Variants in SREK1 observed in about 807,000 individuals in gnomAD.
SREK1 encodes splicing regulatory glutamine/lysine-rich protein 1.
In SREK1, 13 loss-of-function variants were observed where a neutral mutation model predicts 66.5. The observed-to-expected ratio is 0.20, with a 90% confidence interval of 0.13 to 0.31. SREK1 has a LOEUF of 0.31. Ranked by LOEUF, SREK1 falls within the 10% of genes least tolerant of loss-of-function variation. The probability of loss-of-function intolerance (pLI) is 1.00; values close to 1 mark genes in which losing one functional copy is unlikely to be tolerated. For missense variants in SREK1, 607 were observed against 769.6 expected (o/e 0.79, Z 2.50); for synonymous variants, 265 against 263.5 (o/e 1.01, Z -0.05).
At chr5:66,148,158 G>A (rs1379625463) in intron 1 of SREK1, among the ~76,000 whole-genome samples, 1 of 152,076 alleles carries the variant, frequency 6.6e-6, no homozygotes, top group East Asian at 1.9e-4. Context: ...GTCTTAAACA[G>A]GATGAATTGT....
intron 2 of SREK1, 106 bp downstream of exon 2, chr5:66,153,702 T>C: frequency 2.8e-6 from 4 of 1,418,664 alleles, no homozygotes; most frequent in Non-Finnish European, 3.8e-6. Flanking sequence ...GGTGTGTGTG[T>C]GAAAGTAAGA....
chr5:66,164,246 A>T (rs1744991665), intron 6 of SREK1: 1 of 290,628 alleles, frequency 3.4e-6, no homozygotes, highest in South Asian at 3.8e-5. Flanking sequence ...AAACGTTACG[A>T]CTCAGCAGGT....
chr5:66,145,300 G>T (rs548439246), intron 1 of SREK1: 749 of 391,768 alleles, frequency 1.9e-3, no homozygotes, highest in Middle Eastern at 2.6e-3. Context: ...AATTTCCCTC[G>T]TACGATATTA....
At position 66,181,990 on chromosome 5, in the gene SREK1, T is replaced by G. The variant is rs1746539007; in HGVS notation, c.*3122T>G. On this transcript the variant is annotated 3_prime_UTR_variant, in exon 12 of 12. Coordinates refer to ENST00000334121, the MANE Select transcript of SREK1 (RefSeq NM_001077199.3). ...CCTATGTCTATGTTGCTATCTTTAT[T>G]TTAAAACTTAGAACCCTGATCTAAC... The G allele has an allele frequency of 6.6e-6, 1 of 152,116 alleles. No homozygotes were observed. Among genetic ancestry groups the G allele is most frequent in the Non-Finnish European group, 1.5e-5 (1 of 68,002 alleles). 9.4% of individuals were successfully genotyped at this position (152,116 alleles called of 1,614,324 possible).
rs1056179518 is a variant in SREK1 at position 66,181,703 on chromosome 5, T to G, written c.*2835T>G. ...ACTTTTAAATCCTGAAGTTCTGCAG[T>G]TATCATCTTAGTTATTTTCTATCTA... On this transcript the variant is annotated 3_prime_UTR_variant, in exon 12 of 12. Coordinates refer to ENST00000334121, the MANE Select transcript of SREK1 (RefSeq NM_001077199.3). 4 of 152,064 alleles carry G rather than the reference T, an allele frequency of 2.6e-5. No homozygotes were observed. The East Asian group carries it at 7.7e-4, about 29-fold the overall frequency. 9.4% of individuals were successfully genotyped at this position (152,064 alleles called of 1,614,324 possible).
rs1448410404 is a variant in SREK1 at position 66,182,235 on chromosome 5, T to C, written c.*3367T>C. 1 of 152,182 alleles carries C rather than the reference T, an allele frequency of 6.6e-6. No homozygotes were observed. Among genetic ancestry groups the C allele is most frequent in the East Asian group, 1.9e-4 (1 of 5,198 alleles). The allele number at this position is 152,182 out of a possible 1,614,324, so 9.4% of individuals were successfully genotyped here. On this transcript the variant is annotated 3_prime_UTR_variant, in exon 12 of 12. Coordinates refer to ENST00000334121, the MANE Select transcript of SREK1 (RefSeq NM_001077199.3). The stretch of plus-strand genomic sequence containing the variant: ...GAAGACAGTATCTGATTTCAACTGG[T>C]GCGTTACGAAGTAGAGCCATTCCCA...
At chr5:66,150,048 G>C (rs1743641387) in intron 1 of SREK1, among the ~76,000 whole-genome samples, 1 of 152,190 alleles carries the variant, frequency 6.6e-6, no homozygotes, top group African/African-American at 2.4e-5. Context: ...ACAGCTTGCT[G>C]TAAGTCACCT....
In SREK1 at chr5:66,144,412, C is replaced by T. The variant is rs1445966198; in HGVS notation, c.36C>T (p.Gly12=). The T allele has an allele frequency of 6.4e-7, 1 of 1,551,334 alleles. No homozygotes were observed. Among genetic ancestry groups the T allele is most frequent in the Non-Finnish European group, 8.7e-7 (1 of 1,146,828 alleles). ...GCGGCGGCTTCGGTTTGGGCTTAGG[C>T]TTCGGCCTCACCCCCACGTCGGTGA... is the stretch of plus-strand genomic sequence containing the variant. ...NSGGGFGLGL[G]FGLTPTSVIQ... is the part of the protein sequence containing the mutation. Residue 12 remains glycine (G), a synonymous_variant, in exon 1 of 12, where the codon GGC becomes GGT. Transcript: ENST00000334121.
chr5:66,144,989 G>A, intron 1 of SREK1: 3 of 987,194 alleles, frequency 3.0e-6, no homozygotes, highest in Non-Finnish European at 3.6e-6. Flanking sequence ...TTTTGCTGAC[G>A]AGAAAGCCTG....
At position 66,170,659 on chromosome 5, in the gene SREK1, G is replaced by A; in HGVS notation, c.1196G>A (p.Arg399Lys). 6.2e-7 allele frequency: 1 copy of A among 1,613,100 alleles called. No individual in the cohort carries two copies. The highest frequency in any genetic ancestry group is 8.5e-7 in the Non-Finnish European group (1 of 1,179,628). ...AAAGAGAAAGACAGGGAAAAGGAGA[G>A]AGAGAGGGAAAAGGAACGTGAAAAA... ...RVKEKDREKE[R>K]EREKEREKEK... Residue 399 changes from arginine (R) to lysine (K), a missense_variant, in exon 9 of 12, where the codon AGA (arginine) becomes AAA (lysine). This residue lies in a region of SREK1 where 318 missense variants were observed against 310.3 expected (regional missense o/e 1.02). Transcript: ENST00000334121.
In SREK1 at chr5:66,183,016, G is replaced by A. The variant is rs557649084; in HGVS notation, c.*4148G>A. 6.6e-6 allele frequency: 1 copy of A among 152,124 alleles called. No individual in the cohort carries two copies. The highest frequency in any genetic ancestry group is 2.4e-5 in the African/African-American group (1 of 41,426). The allele number at this position is 152,124 out of a possible 1,614,324, so 9.4% of individuals were successfully genotyped here. ...AGTTTGTTACAATTAGCTTATATCA[G>A]ATATAACAGTTCTTAATATAATGTT... is the stretch of plus-strand genomic sequence containing the variant. On this transcript the variant is annotated 3_prime_UTR_variant, in exon 12 of 12. Transcript: ENST00000334121.
chr5:66,153,160 G>C (rs1743990301), intron 1 of SREK1, among the ~76,000 whole-genome samples: 1 of 152,096 alleles, frequency 6.6e-6, no homozygotes, highest in Non-Finnish European at 1.5e-5. Context: ...TACACTTTTT[G>C]AGTTAATTTT....
chr5:66,170,554 G>A, intron 8 of SREK1, 31 bp from the exon 9 acceptor site: 1 of 1,569,590 alleles, frequency 6.4e-7, no homozygotes, highest in Non-Finnish European at 8.6e-7. Flanking sequence ...AACTATTTTA[G>A]TTATGAATTT....
chr5:66,160,962 T>G (rs1744710842), intron 3 of SREK1, among the ~76,000 whole-genome samples: 1 of 152,222 alleles, frequency 6.6e-6, no homozygotes, highest in African/African-American at 2.4e-5. Flanking sequence ...ATACGTTCCT[T>G]AATGCTGAAA....
In SREK1 at chr5:66,164,519, TACAG is replaced by T. The variant is rs908935486; in HGVS notation, c.887-260_887-257del. 5.4e-6 allele frequency: 7 copies of T among 1,295,310 alleles called. No individual in the cohort carries two copies. In the African/African-American group the frequency reaches 8.9e-5, roughly 16 times the overall value. 80.2% of individuals were successfully genotyped at this position (1,295,310 alleles called of 1,614,324 possible). On this transcript the variant is annotated intron_variant, in intron 6 of 11. Coordinates refer to ENST00000334121, the MANE Select transcript of SREK1 (RefSeq NM_001077199.3). ...GACTTAAAATCACTGTCACAGGAAT[TACAG>T]ACATGTTGTAATCGTACGTTACGGC... is the stretch of plus-strand genomic sequence containing the variant.
chr5:66,164,562 T>C, intron 6 of SREK1: 1 of 1,484,144 alleles, frequency 6.7e-7, no homozygotes, highest in South Asian at 1.2e-5. Context: ...AACAAAATAT[T>C]ACGAACAGCT....
chr5:66,180,913 G>A lies in SREK1; in HGVS notation c.*2045G>A, dbSNP rs1164994483. ...ATGTTTGTTTATGCATTTCAAAAAA[G>A]CATTTTAGTTTTATCCTGCTCATTT... On this transcript the variant is annotated 3_prime_UTR_variant, in exon 12 of 12. Transcript: ENST00000334121. The A allele has an allele frequency of 2.6e-5, 4 of 152,336 alleles. No homozygotes were observed. The highest frequency in any genetic ancestry group is 2.0e-4 in the Admixed American group (3 of 15,260). 9.4% of individuals were successfully genotyped at this position (152,336 alleles called of 1,614,324 possible). A position where few individuals can be genotyped will look rare whatever the true frequency, so the allele number is the denominator to read the frequency against.
At chr5:66,168,299 T>C (rs550988380) in intron 7 of SREK1, 1 of 152,280 alleles carries the variant, frequency 6.6e-6, no homozygotes, top group South Asian at 2.1e-4. Context: ...GATTTTGTTA[T>C]TAATGAGGAT....
At chr5:66,177,360 G>A (rs1746142863) in intron 10 of SREK1, 154 bp from the exon 11 acceptor site, 5 of 625,148 alleles carry the variant, frequency 8.0e-6, no homozygotes. Context: ...AGGTTGTAGG[G>A]CTCATTTATG....
Sources: gnomAD v4.1 joint callset for allele counts (sites outside exome capture counted in the v4.1 genomes callset) on GRCh38, gnomAD v4.1.1 for gene constraint, gnomAD v4.1.1 regional missense constraint, MANE v1.5 for transcripts, NCBI Gene and HGNC (gene_info 2026-07-23, HGNC 2026-07-21) for gene names.